Variants in CTCF observed in about 807,000 individuals in gnomAD.
The protein encoded by CTCF is transcriptional repressor CTCF.
Under a neutral mutation model 72.3 loss-of-function variants are expected in CTCF, and 7 were observed. The observed-to-expected ratio is 0.10, with a 90% CI of 0.06 to 0.18. CTCF has a LOEUF of 0.18. Among genes scored for constraint, CTCF ranks in the 10% least tolerant of loss-of-function variants. The pLI, the probability that CTCF is intolerant of heterozygous loss-of-function variation, is 1.00. For synonymous variants in CTCF, 374 were observed against 315.8 expected (o/e 1.18, Z -1.95); for missense variants, 516 against 949.1 (o/e 0.54, Z 6.00).
chr16:67,581,071 G>A (rs2051574533), intron 2 of CTCF, among the ~76,000 whole-genome samples: 1 of 152,048 alleles, frequency 6.6e-6, no homozygotes, highest in African/African-American at 2.4e-5. Flanking sequence ...TGGGACTACA[G>A]GCACCCGCCA....
At chr16:67,595,127 C>A (rs1319691881) in intron 2 of CTCF, among the ~76,000 whole-genome samples, 1 of 152,172 alleles carries the variant, frequency 6.6e-6, no homozygotes, top group East Asian at 1.9e-4. Flanking sequence ...TTTTGAGCCT[C>A]ATTTCAGGAA....
At chr16:67,631,682 C>G (rs1209755742) in intron 10 of CTCF, among the ~76,000 whole-genome samples, 1 of 57,106 alleles carries the variant, frequency 1.8e-5, no homozygotes, top group African/African-American at 1.7e-4. Flanking sequence ...TCCCCCCCAC[C>G]CCCCCCCCCT....
At chr16:67,626,178 A>G (rs2052284881) in intron 7 of CTCF, among the ~76,000 whole-genome samples, 1 of 152,004 alleles carries the variant, frequency 6.6e-6, no homozygotes, top group Non-Finnish European at 1.5e-5. Context: ...AGTGGCTCAC[A>G]CCTATAATTC....
chr16:67,636,124 C>T (rs1490095308), intron 10 of CTCF, among the ~76,000 whole-genome samples: 6 of 152,058 alleles, frequency 3.9e-5, no homozygotes, highest in Non-Finnish European at 7.4e-5. Flanking sequence ...GCCTGTAATC[C>T]CAGCACATTG....
intron 7 of CTCF, among the ~76,000 whole-genome samples, chr16:67,622,759 T>C (rs999378658): frequency 2.7e-5 from 4 of 149,808 alleles, no homozygotes; most frequent in Non-Finnish European, 5.9e-5. Flanking sequence ...TTCTCCTGCC[T>C]CAGCCTCCTG....
intron 4 of CTCF, among the ~76,000 whole-genome samples, chr16:67,613,934 A>C (rs770619857): frequency 2.0e-5 from 3 of 152,228 alleles, no homozygotes; most frequent in Non-Finnish European, 4.4e-5. Context: ...GATTCATACC[A>C]ACAAAACCCA....
intron 5 of CTCF, among the ~76,000 whole-genome samples, chr16:67,617,243 T>G (rs373620915): frequency 5.9e-5 from 9 of 152,150 alleles, no homozygotes; most frequent in African/African-American, 1.9e-4. Flanking sequence ...TCACAGCCTA[T>G]AATCCCAGCA....
chr16:67,563,099 C>T (rs1020695489), intron 1 of CTCF, among the ~76,000 whole-genome samples: 8 of 152,132 alleles, frequency 5.3e-5, no homozygotes, highest in African/African-American at 1.7e-4. Context: ...GTCCTGTGTC[C>T]TCCGCCCCTC....
intron 2 of CTCF, among the ~76,000 whole-genome samples, chr16:67,576,552 T>G (rs1237028873): frequency 1.5e-5 from 2 of 132,482 alleles, no homozygotes; most frequent in South Asian, 2.4e-4. Flanking sequence ...AATAGAATGT[T>G]TTTTTTTTTT....
chr16:67,567,277 C>G (rs1213388355), intron 1 of CTCF, among the ~76,000 whole-genome samples: 2 of 152,076 alleles, frequency 1.3e-5, no homozygotes, highest in African/African-American at 4.8e-5. Context: ...AAATACAGTC[C>G]AAAGGTGAGG....
rs1019828594 is a variant in CTCF at position 67,603,023 on chromosome 16, C to T, written c.-9-7801C>T. Among the ~76,000 whole-genome samples the T allele has an allele frequency of 3.3e-5, 5 of 152,132 alleles. No homozygotes were observed. The East Asian group carries it at 9.7e-4, about 29-fold the overall frequency. On this transcript the variant is annotated intron_variant, in intron 2 of 11. Transcript: ENST00000264010. ...ATAACAAGTACAAAGTTGTGCTGTC[C>T]GGTACGGAAGCCCCTAGCCTCATGT...
intron 2 of CTCF, among the ~76,000 whole-genome samples, chr16:67,607,493 A>G (rs1388018507): frequency 1.4e-4 from 21 of 151,196 alleles, no homozygotes; most frequent in Non-Finnish European, 1.5e-5. Context: ...TTTAGTAGAG[A>G]TGGGGTTTTG....
chr16:67,584,490 T>TG (rs1335827005), intron 2 of CTCF, among the ~76,000 whole-genome samples: 1 of 151,262 alleles, frequency 6.6e-6, no homozygotes, highest in African/African-American at 2.4e-5. Context: ...ACAGGCGTGG[T>TG]GGAATTTTTG....
chr16:67,584,052 G>A (rs997224180), intron 2 of CTCF, among the ~76,000 whole-genome samples: 2 of 152,196 alleles, frequency 1.3e-5, no homozygotes, highest in East Asian at 1.9e-4. Context: ...CTTGTGTGCA[G>A]CCTCACTGTG....
In CTCF at chr16:67,636,191, T is replaced by C. The variant is rs2052425426; in HGVS notation, c.1838-499T>C. ...AGGAATTCAAGACCAGCCTGACCAA[T>C]ATGGTGAAACCCCATCTCTACTAAA... On this transcript the variant is annotated intron_variant, in intron 10 of 11. Coordinates refer to ENST00000264010, the MANE Select transcript of CTCF (RefSeq NM_006565.4). 2.0e-5 allele frequency among the ~76,000 whole-genome samples: 3 copies of C among 151,944 alleles called. No individual in the cohort carries two copies. In the South Asian group the frequency reaches 6.2e-4, roughly 32 times the overall value.
At position 67,639,101 on chromosome 16, in the gene CTCF, A is replaced by G. The variant is rs2052470734; in HGVS notation, c.*1229A>G. 3 of 199,468 alleles carry G rather than the reference A, an allele frequency of 1.5e-5. No individual in the cohort carries two copies. The East Asian group carries it at 2.3e-4, about 15-fold the overall frequency. The allele number at this position is 199,468 out of a possible 1,614,324, so 12.4% of individuals were successfully genotyped here. On this transcript the variant is annotated 3_prime_UTR_variant, in exon 12 of 12. Coordinates refer to ENST00000264010, the MANE Select transcript of CTCF (RefSeq NM_006565.4). ...ACGCCAACATGAGACCTGTAATAAA[A>G]TATGTAATGGGGTTGAAAGCTGGGG... is the stretch of plus-strand genomic sequence containing the variant.
intron 2 of CTCF, among the ~76,000 whole-genome samples, chr16:67,589,046 T>C (rs1344377709): frequency 6.6e-6 from 1 of 151,886 alleles, no homozygotes; most frequent in Admixed American, 6.6e-5. Flanking sequence ...AATCCCAACA[T>C]GTTGGGAGGC....
intron 2 of CTCF, among the ~76,000 whole-genome samples, chr16:67,604,090 G>C (rs1343866847): frequency 1.4e-5 from 2 of 142,522 alleles, no homozygotes; most frequent in Non-Finnish European, 3.0e-5. Flanking sequence ...TGACCATTCT[G>C]CTGCACTCCA....
chr16:67,604,331 AGTTTT>A, intron 2 of CTCF, among the ~76,000 whole-genome samples: 1 of 151,730 alleles, frequency 6.6e-6, no homozygotes, highest in South Asian at 2.1e-4. Flanking sequence ...TTTTTTTGTT[AGTTTT>A]GTTTTTGTTT....
Sources: allele counts gnomAD v4.1 joint callset (sites outside exome capture counted in the v4.1 genomes callset), GRCh38; gene constraint gnomAD v4.1.1; transcripts MANE v1.5; gene names NCBI Gene and HGNC (gene_info 2026-07-23, HGNC 2026-07-21).